Variants in MYRIP observed in about 807,000 individuals in gnomAD.
The protein encoded by MYRIP is myosin VIIA and Rab interacting protein.
Under a neutral mutation model 98.0 loss-of-function variants are expected in MYRIP, and 49 were observed. That is an observed-to-expected ratio of 0.50 (90% CI 0.40 to 0.63). The LOEUF is 0.63. Ranked by LOEUF, MYRIP falls within the 30% of genes least tolerant of loss-of-function variation. MYRIP has a pLI of 0.00. For synonymous variants in MYRIP, 404 were observed against 409.5 expected (o/e 0.99, Z 0.16); for missense variants, 1,004 against 1,058.2 (o/e 0.95, Z 0.71).
At chr3:39,959,322 AC>A (rs1945257974) in intron 2 of MYRIP, among the ~76,000 whole-genome samples, 1 of 152,244 alleles carries the variant, frequency 6.6e-6, no homozygotes, top group Admixed American at 6.5e-5. Context: ...GCACATATAC[AC>A]CATGGAATAC....
intron 2 of MYRIP, among the ~76,000 whole-genome samples, chr3:39,932,417 G>C (rs2125701087): frequency 6.6e-6 from 1 of 152,108 alleles, no homozygotes; most frequent in East Asian, 1.9e-4. Flanking sequence ...CTGGAGTGCA[G>C]TGGTGCAATC....
rs972079944 is a variant in MYRIP, at chr3:40,094,988, G to A, written c.332+50717G>A. On this transcript the variant is annotated intron_variant, in intron 3 of 16. Transcript: ENST00000302541. The stretch of plus-strand genomic sequence containing the variant: ...CAAAGGTCCTCAGCATGGCTAACAC[G>A]AGTCTGATGTGAGGTCACTTGTCTC... 2.6e-5 allele frequency among the ~76,000 whole-genome samples: 4 copies of A among 152,104 alleles called. No individual in the cohort carries two copies. In the South Asian group the frequency reaches 6.2e-4, roughly 24 times the overall value.
At chr3:40,202,095 A>G (rs1385772997) in intron 10 of MYRIP, among the ~76,000 whole-genome samples, 1 of 152,196 alleles carries the variant, frequency 6.6e-6, no homozygotes, top group Non-Finnish European at 1.5e-5. Context: ...AGTCTACTAA[A>G]ATAAAATCTA....
rs1399143330 is a variant in MYRIP, at chr3:39,900,855, T to G, written c.39T>G (p.Asp13Glu). 1 of 1,613,992 alleles carries G rather than the reference T, an allele frequency of 6.2e-7. No homozygotes were observed. ...TGGACCTGTCTGGTTTGACTGATGATGAAACAGAGCATGTTCTTCAGGTGG... is the reference window on the plus strand; with the variant it reads ...TGGACCTGTCTGGTTTGACTGATGAGGAAACAGAGCATGTTCTTCAGGTGG... ...RKLDLSGLTD[D>E]ETEHVLQVVQ... Residue 13 changes from aspartate to glutamate, a missense_variant, in exon 2 of 17, where the codon GAT becomes GAG. Around this residue, in one of 3 missense-constraint regions of MYRIP, gnomAD observed 880 missense variants for 907.7 expected, o/e 0.97. Transcript: ENST00000302541.
chr3:40,011,738 G>A (rs1398593775), intron 2 of MYRIP, among the ~76,000 whole-genome samples: 3 of 152,100 alleles, frequency 2.0e-5, no homozygotes, highest in Non-Finnish European at 4.4e-5. Flanking sequence ...AGTTCCTGGG[G>A]CATATAAAAA....
chr3:40,245,959 A>G (rs866513478), intron 13 of MYRIP, among the ~76,000 whole-genome samples: 3 of 129,684 alleles, frequency 2.3e-5, no homozygotes, highest in African/African-American at 9.1e-5. Context: ...CGGGGGTTTC[A>G]CCATGTTGGC....
intron 4 of MYRIP, among the ~76,000 whole-genome samples, chr3:40,155,454 GT>G (rs1022700450): frequency 1.2e-4 from 18 of 152,188 alleles, no homozygotes; most frequent in South Asian, 1.0e-3. Context: ...CTAAACATAC[GT>G]GTGCATGTGT....
chr3:40,143,769 CATCTT>C (rs1949958237), intron 3 of MYRIP, among the ~76,000 whole-genome samples: 3 of 152,124 alleles, frequency 2.0e-5, no homozygotes, highest in African/African-American at 4.8e-5. Flanking sequence ...CTATCTCACA[CATCTT>C]ATCATTTTTG....
Position 39,829,101 on chromosome 3 carries a change from A to G in MYRIP, c.-31+19185A>G, listed in dbSNP as rs187417828. On this transcript the variant is annotated intron_variant, in intron 1 of 16. Coordinates refer to ENST00000302541, the MANE Select transcript of MYRIP (RefSeq NM_015460.4). ...TAGTTTACATTCCCACCAGCAGTGT[A>G]GAAGTGTTCTGTGATCGCCACATCC... Among the ~76,000 whole-genome samples, 7 of 152,342 alleles carry G rather than the reference A, an allele frequency of 4.6e-5. No homozygotes were observed. In the East Asian group the frequency reaches 1.3e-3, roughly 29 times the overall value.
chr3:40,038,148 A>G (rs1385535524), intron 2 of MYRIP, among the ~76,000 whole-genome samples: 1 of 152,180 alleles, frequency 6.6e-6, no homozygotes, highest in East Asian at 1.9e-4. Context: ...AGTTAATAAC[A>G]AAAGCCACAT....
At chr3:39,853,447 A>G (rs1347650198) in intron 1 of MYRIP, among the ~76,000 whole-genome samples, 5 of 152,080 alleles carry the variant, frequency 3.3e-5, no homozygotes. Flanking sequence ...GATTATGACC[A>G]TTCTTGCAGG....
At chr3:39,823,659 A>G (rs993965027) in intron 1 of MYRIP, among the ~76,000 whole-genome samples, 1 of 152,146 alleles carries the variant, frequency 6.6e-6, no homozygotes, top group Non-Finnish European at 1.5e-5. Flanking sequence ...TTCTTTTGAG[A>G]AATGTCTACT....
At chr3:39,919,723 T>A (rs201840826) in intron 2 of MYRIP, among the ~76,000 whole-genome samples, 40,522 of 145,140 alleles carry the variant, frequency 0.28, 5,840 homozygotes, top group Middle Eastern at 0.37. Context: ...TGTGTGTGTG[T>A]GTGTGAGAGA....
At chr3:39,856,733 T>G (rs1227459598) in intron 1 of MYRIP, among the ~76,000 whole-genome samples, 1 of 152,160 alleles carries the variant, frequency 6.6e-6, no homozygotes, top group Non-Finnish European at 1.5e-5. Flanking sequence ...AGATGGTCCA[T>G]CCATCTGATG....
At chr3:40,224,407 A>G (rs1256626074) in intron 11 of MYRIP, among the ~76,000 whole-genome samples, 11 of 106,724 alleles carry the variant, frequency 1.0e-4, no homozygotes, top group African/African-American at 5.4e-4. Context: ...CAGTCAGTAT[A>G]AAAAAGCAAA....
intron 13 of MYRIP, chr3:40,248,502 GAA>G (rs1953272630): frequency 6.6e-6 from 1 of 152,170 alleles, no homozygotes; most frequent in African/African-American, 2.4e-5. Flanking sequence ...TATAGAGAGA[GAA>G]GATACAGGCA....
intron 2 of MYRIP, among the ~76,000 whole-genome samples, chr3:39,935,841 G>A (rs1014868434): frequency 2.0e-5 from 3 of 152,140 alleles, no homozygotes; most frequent in African/African-American, 4.8e-5. Flanking sequence ...CTATTGCCAT[G>A]TTGTAAGTAT....
At chr3:40,047,993 T>A (rs759818266) in intron 3 of MYRIP, among the ~76,000 whole-genome samples, 1 of 152,216 alleles carries the variant, frequency 6.6e-6, no homozygotes, top group Non-Finnish European at 1.5e-5. Context: ...CAGGGCTGCT[T>A]GTCCACTTTG....
intron 3 of MYRIP, among the ~76,000 whole-genome samples, chr3:40,048,779 T>C (rs1947725530): frequency 6.6e-6 from 1 of 152,186 alleles, no homozygotes; most frequent in Admixed American, 6.6e-5. Context: ...ATTTCTGTTA[T>C]CAGTGTTCAT....
Sources: gnomAD v4.1 joint callset for allele counts (sites outside exome capture counted in the v4.1 genomes callset) on GRCh38, gnomAD v4.1.1 for gene constraint, gnomAD v4.1.1 regional missense constraint, MANE v1.5 for transcripts, NCBI Gene and HGNC (gene_info 2026-07-23, HGNC 2026-07-21) for gene names.